Variants in NOL8 observed in about 807,000 individuals in gnomAD.
NOL8 encodes the protein nucleolar protein Nop132.
Under a neutral mutation model 116.1 loss-of-function variants are expected in NOL8, and 93 were observed. That is an observed-to-expected ratio of 0.80 (90% confidence interval 0.68 to 0.95). The LOEUF is 0.95. Among genes scored for constraint, NOL8 ranks in the 40% least tolerant of loss-of-function variants. The pLI, the probability that NOL8 is intolerant of heterozygous loss-of-function variation, is 0.00. For missense variants in NOL8, 1,291 were observed against 1,382.8 expected (o/e 0.93, Z 1.05); for synonymous variants, 419 against 469.0 (o/e 0.89, Z 1.38).
rs773388386 is a variant in NOL8, at chr9:92,298,209, A to C, written c.3453+48T>G. 187 of 1,341,936 alleles carry C rather than the reference A, an allele frequency of 1.4e-4. 5 individuals are homozygous for C. The South Asian group carries it at 2.2e-3, about 16-fold the overall frequency. The allele number at this position is 1,341,936 out of a possible 1,614,324, so 83.1% of individuals were successfully genotyped here. A position where few individuals can be genotyped will look rare whatever the true frequency, so the allele number is the denominator to read the frequency against. On this transcript the variant is annotated intron_variant, in intron 16 of 16. Transcript: ENST00000442668. ...CCCTTCCAGGACTGTAATTCTAGAT[A>C]GGTAACATGTCTATTTTAGGAAATA...
At chr9:92,312,353 C>G (rs1247507919) in intron 7 of NOL8, among the ~76,000 whole-genome samples, 1 of 145,446 alleles carries the variant, frequency 6.9e-6, no homozygotes, top group Non-Finnish European at 1.5e-5. Context: ...ACTCAGCAGG[C>G]TGAGGTGGGA....
In NOL8 at chr9:92,298,348, A is replaced by G. The variant is rs3736836; in HGVS notation, c.3374-12T>C. 0.039 allele frequency: 60,834 copies of G among 1,569,646 alleles called. 1,458 individuals are homozygous for G. The highest frequency in any genetic ancestry group is 0.072 in the South Asian group (6,078 of 84,916). On this transcript the variant is annotated splice_polypyrimidine_tract_variant and intron_variant, in intron 15 of 16. Transcript: ENST00000442668. ...GAATAAGTCAGAACCTATTAGGGGA[A>G]AAAGAAGAAAGATGAGGCAGCAAAC...
intron 8 of NOL8, 142 bp from the exon 9 acceptor site, chr9:92,310,817 T>C: frequency 6.9e-6 from 6 of 865,084 alleles, no homozygotes; most frequent in Non-Finnish European, 1.0e-5. Flanking sequence ...CAGGTGGAAA[T>C]TCCTGACTCA....
intron 3 of NOL8, among the ~76,000 whole-genome samples, chr9:92,322,137 C>G (rs1839978877): frequency 6.6e-6 from 1 of 152,190 alleles, no homozygotes; most frequent in Admixed American, 6.5e-5. Context: ...AAACAATCAT[C>G]TTTTCAGGTG....
rs79812316 is a variant in NOL8, at chr9:92,314,920, T to C, written c.1705A>G (p.Lys569Glu). 5.7e-4 allele frequency: 916 copies of C among 1,613,860 alleles called. No homozygotes were observed. The highest frequency in any genetic ancestry group is 6.3e-4 in the Non-Finnish European group (742 of 1,179,874). The part of the protein sequence containing the change: ...QKPKENNLKP[K>E]FQAFKGVGCL... ...CCTACTCCCTTGAAAGCCTGAAATT[T>C]TGGCTTTAAATTGTTTTCCTTTGGT... The change falls in exon 7 of 17, where the codon AAA (lysine) becomes GAA (glutamate). Residue 569 changes from lysine (K) to glutamate (E), a missense_variant. Physicochemically the swap from Lys to Glu is moderately conservative, Grantham distance 56 (BLOSUM62 1). Coordinates refer to ENST00000442668, the MANE Select transcript of NOL8 (RefSeq NM_017948.6).
At position 92,314,623 on chromosome 9, in the gene NOL8, T is replaced by C; in HGVS notation, c.2002A>G (p.Ser668Gly). 6.2e-7 allele frequency: 1 copy of C among 1,613,004 alleles called. No individual in the cohort carries two copies. Among genetic ancestry groups the C allele is most frequent in the African/African-American group, 1.3e-5 (1 of 75,070 alleles). The change falls in exon 7 of 17, where the codon AGT becomes GGT. Residue 668 changes from serine (S) to glycine (G), a missense_variant. By Grantham distance (56) the Ser-to-Gly change is moderately conservative. Transcript: ENST00000442668. ...AATGGCCTAGAAATAGGATTCTTACTTCTCTTTTCAGAACTGCTAGGGGAC... is the reference window on the plus strand; with the variant it reads ...AATGGCCTAGAAATAGGATTCTTACCTCTCTTTTCAGAACTGCTAGGGGAC... The part of the protein sequence containing the change: ...AVSPSSSEKR[S>G]KNPISRPLEG...
intron 3 of NOL8, among the ~76,000 whole-genome samples, chr9:92,322,040 T>A (rs1839971211): frequency 6.6e-6 from 1 of 152,256 alleles, no homozygotes. Flanking sequence ...TGTAAACAAA[T>A]GTCAGGAACC....
intron 6 of NOL8, 104 bp downstream of exon 6, chr9:92,318,514 A>G: frequency 1.2e-6 from 1 of 831,074 alleles, no homozygotes; most frequent in Admixed American, 3.1e-5. Flanking sequence ...GAACACGCAA[A>G]CAAACACCTA....
rs755634812 is a variant in NOL8 at position 92,298,272 on chromosome 9, T to G, written c.3438A>C (p.Thr1146=). Residue 1146 remains threonine, a synonymous_variant, in exon 16 of 17, where the codon ACA becomes ACC. Transcript: ENST00000442668. ...AATTACTCACCATACGCAGGTTGGTTGTTCTGGCCTCCCAAGAGTTCCTGC... is the reference window on the plus strand; with the variant it reads ...AATTACTCACCATACGCAGGTTGGTGGTTCTGGCCTCCCAAGAGTTCCTGC... ...NMSRNSWEAR[T]TNLRMDCRKK... The G allele has an allele frequency of 2.1e-5, 33 of 1,607,788 alleles. No homozygotes were observed. The highest frequency in any genetic ancestry group is 2.8e-5 in the Non-Finnish European group (33 of 1,176,980).
chr9:92,302,973 C>G (rs1363760477), intron 12 of NOL8, among the ~76,000 whole-genome samples: 2 of 152,178 alleles, frequency 1.3e-5, no homozygotes, highest in Non-Finnish European at 2.9e-5. Context: ...GCAACACTGT[C>G]AACTGCATTG....
intron 5 of NOL8, 75 bp from the exon 6 acceptor site, chr9:92,318,761 T>A: frequency 1.0e-6 from 1 of 956,974 alleles, no homozygotes. Context: ...ATTAGGTAAA[T>A]ACAACAAAAA....
In NOL8 at chr9:92,314,888, T is replaced by C. The variant is rs749490243; in HGVS notation, c.1737A>G (p.Leu579=). 8 of 1,613,742 alleles carry C rather than the reference T, an allele frequency of 5.0e-6. No homozygotes were observed. In the South Asian group the frequency reaches 8.8e-5, roughly 18 times the overall value. The part of the protein sequence containing the change: ...KFQAFKGVGC[L]YEKESMKKSL... ...ATTTTTTCATTGACTCCTTTTCATA[T>C]AGACAGCCTACTCCCTTGAAAGCCT... The change falls in exon 7 of 17, where the codon CTA becomes CTG. Residue 579 remains leucine, a synonymous_variant. Transcript: ENST00000442668.
At chr9:92,299,787 C>G in intron 14 of NOL8, 103 bp downstream of exon 14, 1 of 1,192,004 alleles carries the variant, frequency 8.4e-7, no homozygotes, top group Admixed American at 2.3e-5. Context: ...GAAGCTAAGA[C>G]AATTTAGTTG....
intron 7 of NOL8, among the ~76,000 whole-genome samples, chr9:92,312,998 A>AG (rs1564223739): frequency 1.3e-5 from 2 of 148,368 alleles, no homozygotes; most frequent in African/African-American, 2.6e-5. Flanking sequence ...AAAAAAAAGC[A>AG]TTGTCTTAAA....
chr9:92,310,581 G>A lies in NOL8; in HGVS notation c.2567C>T (p.Pro856Leu). 5.6e-6 allele frequency: 9 copies of A among 1,611,424 alleles called. No individual in the cohort carries two copies. Among genetic ancestry groups the A allele is most frequent in the Non-Finnish European group, 7.6e-6 (9 of 1,179,030 alleles). Residue 856 changes from proline to leucine, a missense_variant, in exon 9 of 17, where the codon CCT becomes CTT. Coordinates refer to ENST00000442668, the MANE Select transcript of NOL8 (RefSeq NM_017948.6). ...CTGTCCAGCTCTGCCCTCAAACTGA[G>A]GTTTAATTTTGAACCTATTACTGTC... ...EDDSNRFKIK[P>L]QFEGRAGQKL... is the part of the protein sequence containing the mutation.
chr9:92,314,404 A>G lies in NOL8; in HGVS notation c.2221T>C (p.Ser741Pro). The G allele has an allele frequency of 6.2e-7, 1 of 1,613,610 alleles. No homozygotes were observed. The stretch of plus-strand genomic sequence containing the variant: ...CTCACATCTGACGAATTACTAATAG[A>G]AAGTGAGAAATCAGTTTTGATTTCC... ...TREIKTDFSL[S>P]ISNSSDVSAK... Residue 741 changes from serine to proline, a missense_variant, in exon 7 of 17, where the codon TCT (serine) becomes CCT (proline). Physicochemically the swap from Ser to Pro is moderately conservative, Grantham distance 74. Coordinates refer to ENST00000442668, the MANE Select transcript of NOL8 (RefSeq NM_017948.6).
chr9:92,313,546 C>G (rs1022522280), intron 7 of NOL8, among the ~76,000 whole-genome samples: 4 of 152,202 alleles, frequency 2.6e-5, no homozygotes, highest in African/African-American at 9.6e-5. Context: ...TCTTCACTCT[C>G]TTTTCATTTT....
rs1461101062 is a variant in NOL8 at position 92,315,396 on chromosome 9, G to A, written c.1229C>T (p.Thr410Ile). 2.5e-6 allele frequency: 4 copies of A among 1,594,134 alleles called. No individual in the cohort carries two copies. The Admixed American group carries it at 7.1e-5, about 28-fold the overall frequency. The part of the protein sequence containing the change: ...FSQMEKSTKK[T>I]SFKNRENCEL... The stretch of plus-strand genomic sequence containing the variant: ...ACAGTTTTCTCTATTTTTGAAAGAA[G>A]TTTTCTTCGTAGATTTTTCCATTTG... The change falls in exon 7 of 17, where the codon ACT becomes ATT. Residue 410 changes from threonine to isoleucine, a missense_variant. Coordinates refer to ENST00000442668, the MANE Select transcript of NOL8 (RefSeq NM_017948.6).
chr9:92,305,491 TACA>T (rs1217598960), intron 12 of NOL8, among the ~76,000 whole-genome samples: 1 of 152,172 alleles, frequency 6.6e-6, no homozygotes, highest in Admixed American at 6.5e-5. Context: ...AAGAAACTAG[TACA>T]AATAAAAGGC....
Sources: allele counts gnomAD v4.1 joint callset (sites outside exome capture counted in the v4.1 genomes callset), GRCh38; gene constraint gnomAD v4.1.1; transcripts MANE v1.5; gene names NCBI Gene and HGNC (gene_info 2026-07-23, HGNC 2026-07-21).